EGLN1: variants seen among roughly 807,000 people sequenced by gnomAD.
EGLN1 encodes egl-9 family hypoxia inducible factor 1, also known as egl nine homolog 1.
A neutral mutation model predicts 38.3 loss-of-function variants in EGLN1; 17 were observed. The observed-to-expected ratio is 0.44, with a 90% CI of 0.30 to 0.67. The LOEUF (loss-of-function observed/expected upper bound fraction) is 0.67. Among genes scored for constraint, EGLN1 ranks in the 30% least tolerant of loss-of-function variants. The probability of loss-of-function intolerance (pLI) is 0.08; values close to 1 mark genes in which losing one functional copy is unlikely to be tolerated. For synonymous variants in EGLN1, 283 were observed against 257.5 expected (o/e 1.10, Z -0.95); for missense variants, 477 against 603.3 (o/e 0.79, Z 2.19).
intron 2 of EGLN1, among the ~76,000 whole-genome samples, chr1:231,373,065 A>G (rs1687869438): frequency 1.3e-5 from 2 of 152,326 alleles, no homozygotes; most frequent in African/African-American, 4.8e-5. Context: ...GTAGTAATAT[A>G]TGACATATTT....
chr1:231,408,530 GA>G (rs1370197118), intron 1 of EGLN1, among the ~76,000 whole-genome samples: 3 of 152,096 alleles, frequency 2.0e-5, no homozygotes, highest in African/African-American at 7.2e-5. Flanking sequence ...AGTACATGGA[GA>G]AAAATGAATT....
At chr1:231,410,641 T>TAC (rs750661087) in intron 1 of EGLN1, among the ~76,000 whole-genome samples, 36 of 151,968 alleles carry the variant, frequency 2.4e-4, no homozygotes, top group Non-Finnish European at 4.3e-4. Context: ...AAGTTCCTTC[T>TAC]ACATACACAT....
At position 231,421,908 on chromosome 1, in the gene EGLN1, A is replaced by G. The variant is rs756211725; in HGVS notation, c.-20T>C. The G allele has an allele frequency of 3.5e-4, 490 of 1,391,664 alleles. No individual in the cohort carries two copies. The highest frequency in any genetic ancestry group is 8.3e-4 in the East Asian group (27 of 32,448). The allele number at this position is 1,391,664 out of a possible 1,614,324, so 86.2% of individuals were successfully genotyped here. On this transcript the variant is annotated 5_prime_UTR_variant, in exon 1 of 5. Coordinates refer to ENST00000366641, the MANE Select transcript of EGLN1 (RefSeq NM_022051.3). This position sits in a 1 kb window ranked among gnomAD's most constrained non-coding sequence, Gnocchi z 5.5. Reference sequence around the variant, plus strand: ...GGCCATGGCGGCGGCGGCGGCGGCGACGGCGACTGCGGCGGCCGAGCAGGA... The same window carrying G: ...GGCCATGGCGGCGGCGGCGGCGGCGGCGGCGACTGCGGCGGCCGAGCAGGA...
rs915552605 is a variant in EGLN1 at position 231,422,119 on chromosome 1, G to A, written c.-231C>T. On this transcript the variant is annotated 5_prime_UTR_variant, in exon 1 of 5. Transcript: ENST00000366641. ...GCCGCCTCAGCGCCTCATCGCCGCC[G>A]AGGGCTGAGAGAATAGGGCCTGTGC... 2.1e-5 allele frequency: 8 copies of A among 381,808 alleles called. No homozygotes were observed. Among genetic ancestry groups the A allele is most frequent in the African/African-American group, 1.3e-4 (6 of 46,588 alleles). 23.7% of individuals were successfully genotyped at this position (381,808 alleles called of 1,614,324 possible). A position where few individuals can be genotyped will look rare whatever the true frequency, so the allele number is the denominator to read the frequency against.
intron 1 of EGLN1, among the ~76,000 whole-genome samples, chr1:231,376,273 C>T (rs557060901): frequency 2.0e-5 from 3 of 152,172 alleles, no homozygotes; most frequent in Non-Finnish European, 4.4e-5. Flanking sequence ...ACCTTGCAGT[C>T]CTGCCCCGTT....
intron 1 of EGLN1, among the ~76,000 whole-genome samples, chr1:231,411,673 G>C (rs1007691091): frequency 1.3e-5 from 2 of 151,984 alleles, no homozygotes; most frequent in Non-Finnish European, 2.9e-5. Context: ...TCTCACTTTA[G>C]AATCAAAAGC....
Position 231,418,880 on chromosome 1 carries a change from T to A in EGLN1, c.891+2118A>T, listed in dbSNP as rs557617567. On this transcript the variant is annotated intron_variant, in intron 1 of 4. Transcript: ENST00000366641. The stretch of plus-strand genomic sequence containing the variant: ...CTGTCTCCAAAAAAAAAAAAAAAAA[T>A]ACTCTGATTGTATCTGTATTGATCC... Among the ~76,000 whole-genome samples the A allele has an allele frequency of 1.4e-3, 210 of 149,132 alleles. 4 individuals carry two copies. The South Asian group carries it at 0.044, about 31-fold the overall frequency.
intron 1 of EGLN1, among the ~76,000 whole-genome samples, chr1:231,407,261 C>CT (rs1558394264): frequency 2.0e-5 from 3 of 152,208 alleles, no homozygotes; most frequent in Admixed American, 6.5e-5. Context: ...TGATTAAATC[C>CT]TTGAATCTAG....
rs1299059545 is a variant in EGLN1, at chr1:231,365,674, TGTGTC to T, written c.*732_*736del. 6.6e-6 allele frequency: 1 copy of T among 152,312 alleles called. No individual in the cohort carries two copies. The allele number at this position is 152,312 out of a possible 1,614,324, so 9.4% of individuals were successfully genotyped here. On this transcript the variant is annotated 3_prime_UTR_variant, in exon 5 of 5. Coordinates refer to ENST00000366641, the MANE Select transcript of EGLN1 (RefSeq NM_022051.3). Reference sequence around the variant, plus strand: ...AAAACAAAAAAATTTAAACTCTTCTTGTGTCTTTTTCCTTGTAAAACATTAACTAA... The same window carrying T: ...AAAACAAAAAAATTTAAACTCTTCTTTTTTTCCTTGTAAAACATTAACTAA...
intron 1 of EGLN1, among the ~76,000 whole-genome samples, chr1:231,381,070 CTAATTTTT>C (rs1688069363): frequency 6.6e-6 from 1 of 152,072 alleles, no homozygotes; most frequent in Non-Finnish European, 1.5e-5. Context: ...CCACACCTGG[CTAATTTTT>C]TAATGTTTTC....
At chr1:231,419,164 T>C (rs1485334156) in intron 1 of EGLN1, among the ~76,000 whole-genome samples, 1 of 152,184 alleles carries the variant, frequency 6.6e-6, no homozygotes, top group African/African-American at 2.4e-5. Context: ...CATCCCTCCT[T>C]CATCCTGTCC....
chr1:231,386,876 T>C (rs963141696), intron 1 of EGLN1, among the ~76,000 whole-genome samples: 1 of 152,222 alleles, frequency 6.6e-6, no homozygotes, highest in African/African-American at 2.4e-5. Context: ...ACATATATTT[T>C]AGACACAAGG....
chr1:231,368,367 T>C (rs1687717615), intron 3 of EGLN1, among the ~76,000 whole-genome samples: 1 of 152,204 alleles, frequency 6.6e-6, no homozygotes, highest in Non-Finnish European at 1.5e-5. Context: ...AGAGTAATGA[T>C]GGATGTTTAC....
chr1:231,411,263 G>A (rs1021079747), intron 1 of EGLN1, among the ~76,000 whole-genome samples: 2 of 152,008 alleles, frequency 1.3e-5, no homozygotes, highest in Non-Finnish European at 2.9e-5. Flanking sequence ...AATTCTCCCC[G>A]CCTCCTTCTG....
At chr1:231,415,584 GAT>G (rs1689059089) in intron 1 of EGLN1, among the ~76,000 whole-genome samples, 1 of 152,126 alleles carries the variant, frequency 6.6e-6, no homozygotes, top group South Asian at 2.1e-4. Context: ...GAATCAGAAA[GAT>G]AGCAAATTTT....
chr1:231,377,682 A>C (rs1002179828), intron 1 of EGLN1, among the ~76,000 whole-genome samples: 1 of 152,190 alleles, frequency 6.6e-6, no homozygotes, highest in Non-Finnish European at 1.5e-5. Context: ...ATTATCCCCC[A>C]ACCGGGGATC....
At chr1:231,373,137 CAA>C (rs1366716821) in intron 2 of EGLN1, among the ~76,000 whole-genome samples, 1 of 151,984 alleles carries the variant, frequency 6.6e-6, no homozygotes, top group Admixed American at 6.6e-5. Flanking sequence ...ATATTTAAAA[CAA>C]GAGAGATTAA....
chr1:231,374,573 A>G (rs1232612241), intron 1 of EGLN1, among the ~76,000 whole-genome samples: 1 of 151,352 alleles, frequency 6.6e-6, no homozygotes, highest in Non-Finnish European at 1.5e-5. Flanking sequence ...GTTCGAGTGC[A>G]GTGATGCAAT....
In EGLN1 at chr1:231,390,360, T is replaced by C. The variant is rs187870656; in HGVS notation, c.892-16261A>G. On this transcript the variant is annotated intron_variant, in intron 1 of 4. Coordinates refer to ENST00000366641, the MANE Select transcript of EGLN1 (RefSeq NM_022051.3). Reference sequence around the variant, plus strand: ...GTTCCATAAGTCTTAATTCCTTCCTTCTTTCATAAACTCTAAGAGAGTCTA... The same window carrying C: ...GTTCCATAAGTCTTAATTCCTTCCTCCTTTCATAAACTCTAAGAGAGTCTA... Among the ~76,000 whole-genome samples the C allele has an allele frequency of 2.0e-5, 3 of 152,320 alleles. No individual in the cohort carries two copies. The East Asian group carries it at 5.8e-4, about 29-fold the overall frequency.
Sources: gnomAD v4.1 joint callset for allele counts (sites outside exome capture counted in the v4.1 genomes callset) on GRCh38, gnomAD v4.1.1 for gene constraint, Gnocchi (gnomAD v3.1) non-coding constraint, MANE v1.5 for transcripts, NCBI Gene and HGNC (gene_info 2026-07-23, HGNC 2026-07-21) for gene names.